The following CNTNAP4 variants were observed in gnomAD, a reference collection of about 807,000 sequenced individuals.
CNTNAP4 encodes contactin-associated protein-like 4.
A neutral mutation model predicts 148.4 loss-of-function variants in CNTNAP4; 98 were observed. The observed-to-expected ratio is 0.66, with a 90% CI of 0.56 to 0.78. The LOEUF is 0.78. Ranked by LOEUF, CNTNAP4 falls within the 30% of genes least tolerant of loss-of-function variation. CNTNAP4 has a pLI of 0.00. For synonymous variants in CNTNAP4, 730 were observed against 565.1 expected (o/e 1.29, Z -4.14); for missense variants, 1,935 against 1,565.6 (o/e 1.24, Z -3.98).
At chr16:76,357,109 G>A (rs1433332966) in intron 3 of CNTNAP4, among the ~76,000 whole-genome samples, 2 of 150,244 alleles carry the variant, frequency 1.3e-5, no homozygotes, top group Non-Finnish European at 3.0e-5. Flanking sequence ...TGGGTATTAC[G>A]TTCAACTAAT....
intron 4 of CNTNAP4, among the ~76,000 whole-genome samples, chr16:76,439,309 T>TAG (rs2079950975): frequency 2.6e-5 from 4 of 151,712 alleles, no homozygotes; most frequent in Non-Finnish European, 4.4e-5. Flanking sequence ...GAGAGATAAC[T>TAG]TTGAGATAAA....
intron 23 of CNTNAP4, among the ~76,000 whole-genome samples, chr16:76,556,091 G>A (rs2085185533): frequency 6.6e-6 from 1 of 152,012 alleles, no homozygotes; most frequent in Non-Finnish European, 1.5e-5. Flanking sequence ...TTTCCAAATT[G>A]GCTAATCCCC....
At chr16:76,518,894 C>T (rs563270973) in intron 15 of CNTNAP4, among the ~76,000 whole-genome samples, 9 of 152,144 alleles carry the variant, frequency 5.9e-5, no homozygotes, top group Admixed American at 3.3e-4. Context: ...CTCCTCTCCC[C>T]CTCCATGAGA....
At chr16:76,492,063 A>G (rs1410223268) in intron 13 of CNTNAP4, among the ~76,000 whole-genome samples, 1 of 152,238 alleles carries the variant, frequency 6.6e-6, no homozygotes, top group Admixed American at 6.5e-5. Context: ...AATCTAAAAA[A>G]GTTTAACTCA....
At chr16:76,371,617 C>T (rs1223493884) in intron 3 of CNTNAP4, among the ~76,000 whole-genome samples, 2 of 152,162 alleles carry the variant, frequency 1.3e-5, no homozygotes, top group East Asian at 3.9e-4. Flanking sequence ...TTACAACACA[C>T]ACTTGGTATG....
intron 2 of CNTNAP4, among the ~76,000 whole-genome samples, chr16:76,325,666 A>G (rs937468102): frequency 6.6e-6 from 1 of 152,162 alleles, no homozygotes; most frequent in African/African-American, 2.4e-5. Context: ...AAATATGACA[A>G]AAGAAAAAAG....
rs143312436 is a variant in CNTNAP4, at chr16:76,448,885, A to G, written c.861A>G (p.Thr287=). 1.9e-6 allele frequency: 3 copies of G among 1,613,668 alleles called. No homozygotes were observed. Among genetic ancestry groups the G allele is most frequent in the Non-Finnish European group, 2.5e-6 (3 of 1,179,832 alleles). Residue 287 remains threonine (T), a synonymous_variant, in exon 6 of 24, where the codon ACA becomes ACG. Transcript: ENST00000611870. ...IQRLGKQVNF[T]VDEHRHHFHA... ...GTTTGGGCAAACAAGTCAACTTCAC[A>G]GTGGACGAACACAGGCATCATTTCC... is the stretch of plus-strand genomic sequence containing the variant.
intron 3 of CNTNAP4, among the ~76,000 whole-genome samples, chr16:76,409,206 C>G (rs2078706947): frequency 6.6e-6 from 1 of 151,864 alleles, no homozygotes; most frequent in South Asian, 2.1e-4. Flanking sequence ...CCCTCAGATA[C>G]ATTTATTTTA....
chr16:76,326,378 G>A (rs1268569126), intron 2 of CNTNAP4, among the ~76,000 whole-genome samples: 1 of 152,194 alleles, frequency 6.6e-6, no homozygotes, highest in Non-Finnish European at 1.5e-5. Context: ...TTTCTTGCCT[G>A]ATGCCAGTTC....
At chr16:76,307,038 C>T (rs184807554) in intron 1 of CNTNAP4, among the ~76,000 whole-genome samples, 41 of 152,142 alleles carry the variant, frequency 2.7e-4, no homozygotes, top group African/African-American at 9.9e-4. Flanking sequence ...TGTTTGATTA[C>T]AATAGATGGT....
intron 10 of CNTNAP4, 37 bp downstream of exon 10, chr16:76,467,560 A>G (rs1268514800): frequency 1.3e-6 from 2 of 1,527,506 alleles, no homozygotes; most frequent in Non-Finnish European, 8.8e-7. Context: ...CCTGCTTTCA[A>G]ACTTTGGCAT....
chr16:76,479,308 G>T (rs1266684487), intron 11 of CNTNAP4, 111 bp from the exon 12 acceptor site: 2 of 897,006 alleles, frequency 2.2e-6, no homozygotes, highest in Admixed American at 3.2e-5. Flanking sequence ...CTTTTCTCCT[G>T]GTCAGTAATG....
chr16:76,483,146 A>G (rs533749081), intron 12 of CNTNAP4, among the ~76,000 whole-genome samples: 188 of 152,192 alleles, frequency 1.2e-3, no homozygotes, highest in Non-Finnish European at 2.4e-3. Context: ...CCGGATCTAT[A>G]CACATACACA....
intron 10 of CNTNAP4, among the ~76,000 whole-genome samples, chr16:76,475,596 A>G (rs557265468): frequency 2.6e-5 from 4 of 152,270 alleles, no homozygotes; most frequent in East Asian, 1.9e-4. Flanking sequence ...TGTTCAAACA[A>G]TGTAGCAATT....
chr16:76,524,009 C>T (rs2083603367), intron 17 of CNTNAP4, among the ~76,000 whole-genome samples: 1 of 152,180 alleles, frequency 6.6e-6, no homozygotes, highest in East Asian at 1.9e-4. Context: ...ATCCCCATTA[C>T]ACCTTTTATT....
At chr16:76,323,519 A>G (rs1045249034) in intron 2 of CNTNAP4, among the ~76,000 whole-genome samples, 7 of 152,162 alleles carry the variant, frequency 4.6e-5, no homozygotes, top group African/African-American at 1.7e-4. Context: ...ATATGCTGAT[A>G]TCTTCTATTA....
Position 76,560,054 on chromosome 16 carries a change from C to T in CNTNAP4, c.*1371C>T, listed in dbSNP as rs1038850902. On this transcript the variant is annotated 3_prime_UTR_variant, in exon 24 of 24. Transcript: ENST00000611870. ...ATACACTAGGAGATCAAAGAATGAT[C>T]AATAACCTTATGGAACTGTTACAAT... Among the ~76,000 whole-genome samples the T allele has an allele frequency of 2.0e-5, 3 of 152,238 alleles. No individual in the cohort carries two copies. The East Asian group carries it at 5.8e-4, about 29-fold the overall frequency.
intron 10 of CNTNAP4, among the ~76,000 whole-genome samples, chr16:76,475,037 G>A (rs1284982773): frequency 6.6e-6 from 1 of 152,170 alleles, no homozygotes; most frequent in Non-Finnish European, 1.5e-5. Flanking sequence ...GCACAAGCCT[G>A]TAATCCCAGC....
intron 3 of CNTNAP4, among the ~76,000 whole-genome samples, chr16:76,389,455 T>G (rs1014565977): frequency 6.6e-6 from 1 of 152,098 alleles, no homozygotes; most frequent in Non-Finnish European, 1.5e-5. Context: ...TTTGCGTTTT[T>G]TGTTTTGTTT....
Sources: allele counts gnomAD v4.1 joint callset (sites outside exome capture counted in the v4.1 genomes callset), GRCh38; gene constraint gnomAD v4.1.1; transcripts MANE v1.5; gene names NCBI Gene and HGNC (gene_info 2026-07-23, HGNC 2026-07-21).